DGKB: variants seen among roughly 807,000 people sequenced by gnomAD.
DGKB encodes the protein 90 kDa diacylglycerol kinase.
A neutral mutation model predicts 114.3 loss-of-function variants in DGKB; 67 were observed. That is an observed-to-expected ratio of 0.59 (90% CI 0.48 to 0.72). The LOEUF (loss-of-function observed/expected upper bound fraction) is 0.72, where lower values mean the gene tolerates loss of function less well. DGKB is among the 30% of genes least tolerant of loss of function. The probability of loss-of-function intolerance (pLI) is 0.00; values close to 1 mark genes in which losing one functional copy is unlikely to be tolerated. For synonymous variants in DGKB, 398 were observed against 323.1 expected (o/e 1.23, Z -2.49); for missense variants, 907 against 975.2 (o/e 0.93, Z 0.93).
At chr7:14,705,087 T>G (rs1172308765) in intron 6 of DGKB, among the ~76,000 whole-genome samples, 1 of 149,068 alleles carries the variant, frequency 6.7e-6, no homozygotes, top group African/African-American at 2.5e-5. Flanking sequence ...TTTAGAAGAA[T>G]GTATAACTAG....
At chr7:14,311,096 C>A (rs1805322258) in intron 23 of DGKB, among the ~76,000 whole-genome samples, 1 of 152,150 alleles carries the variant, frequency 6.6e-6, no homozygotes, top group Admixed American at 6.5e-5. Flanking sequence ...CCACTGCACT[C>A]CAGCCTGGGG....
intron 23 of DGKB, among the ~76,000 whole-genome samples, chr7:14,273,627 C>T (rs1034202070): frequency 3.3e-5 from 5 of 152,124 alleles, no homozygotes; most frequent in Admixed American, 1.3e-4. Flanking sequence ...TAAATTTTCA[C>T]GTGATAAGGT....
chr7:14,279,379 C>T (rs925032316), intron 23 of DGKB, among the ~76,000 whole-genome samples: 13 of 152,070 alleles, frequency 8.5e-5, no homozygotes, highest in African/African-American at 3.1e-4. Context: ...TGGAGCCCAC[C>T]ACAGCTCAAG....
intron 1 of DGKB, among the ~76,000 whole-genome samples, chr7:14,966,519 G>A (rs530095783): frequency 1.4e-4 from 21 of 151,932 alleles, no homozygotes; most frequent in African/African-American, 5.1e-4. Flanking sequence ...CAGGCTGCTG[G>A]TCTCGAACTC....
At chr7:14,648,744 T>C (rs1813734781) in intron 13 of DGKB, among the ~76,000 whole-genome samples, 1 of 143,712 alleles carries the variant, frequency 7.0e-6, no homozygotes, top group South Asian at 2.3e-4. Flanking sequence ...TTGAAAACCT[T>C]GAAAAAAATT....
intron 6 of DGKB, 55 bp downstream of exon 6, chr7:14,718,487 A>C: frequency 3.3e-6 from 5 of 1,510,618 alleles, no homozygotes; most frequent in Non-Finnish European, 4.5e-6. Context: ...ATCAATATCC[A>C]GTCCTTTCTC....
chr7:14,204,564 T>C (rs568807951), intron 23 of DGKB, among the ~76,000 whole-genome samples: 14 of 152,200 alleles, frequency 9.2e-5, no homozygotes, highest in Admixed American at 3.9e-4. Flanking sequence ...ATAGGGCTTA[T>C]GCTTTTTGAT....
At chr7:14,743,594 G>T (rs571276679) in intron 4 of DGKB, among the ~76,000 whole-genome samples, 1 of 152,190 alleles carries the variant, frequency 6.6e-6, no homozygotes, top group African/African-American at 2.4e-5. Context: ...ACATGGTTAG[G>T]TACATGGGAT....
At chr7:14,371,882 G>T (rs180859210) in intron 21 of DGKB, among the ~76,000 whole-genome samples, 1 of 152,128 alleles carries the variant, frequency 6.6e-6, no homozygotes, top group East Asian at 1.9e-4. Context: ...TGGCTGTGGA[G>T]GCTCCTACTT....
intron 1 of DGKB, among the ~76,000 whole-genome samples, chr7:14,925,876 C>T (rs1217132214): frequency 6.7e-6 from 1 of 148,596 alleles, no homozygotes; most frequent in Non-Finnish European, 1.5e-5. Context: ...CCCCCCCCCA[C>T]TTCCAGTATG....
At chr7:14,577,374 T>C (rs1160568447) in intron 19 of DGKB, among the ~76,000 whole-genome samples, 1 of 152,072 alleles carries the variant, frequency 6.6e-6, no homozygotes, top group East Asian at 1.9e-4. Context: ...TCCCAGCACT[T>C]TGGGAGGTCA....
intron 23 of DGKB, among the ~76,000 whole-genome samples, chr7:14,183,645 A>T (rs1782964643): frequency 6.6e-6 from 1 of 152,188 alleles, no homozygotes; most frequent in South Asian, 2.1e-4. Flanking sequence ...TCCTCATTTT[A>T]TTGACAGGGA....
At chr7:14,538,180 A>G (rs922418536) in intron 20 of DGKB, among the ~76,000 whole-genome samples, 1 of 152,064 alleles carries the variant, frequency 6.6e-6, no homozygotes, top group Non-Finnish European at 1.5e-5. Flanking sequence ...ATGGTACTCT[A>G]TGCAGTGGGA....
At chr7:14,284,962 G>A (rs944040050) in intron 23 of DGKB, among the ~76,000 whole-genome samples, 2 of 151,688 alleles carry the variant, frequency 1.3e-5, no homozygotes, top group African/African-American at 2.4e-5. Context: ...GTATATGTAT[G>A]TAACTAACCT....
intron 15 of DGKB, among the ~76,000 whole-genome samples, chr7:14,619,011 T>C (rs1252054444): frequency 2.0e-5 from 3 of 151,618 alleles, no homozygotes; most frequent in Non-Finnish European, 4.4e-5. Context: ...TTTTTCATTT[T>C]GCATATAATA....
intron 23 of DGKB, among the ~76,000 whole-genome samples, chr7:14,273,228 C>A (rs533163398): frequency 9.9e-5 from 15 of 152,200 alleles, no homozygotes; most frequent in Admixed American, 5.9e-4. Context: ...ATCCCGTAGT[C>A]CCAGCTACTC....
intron 5 of DGKB, among the ~76,000 whole-genome samples, chr7:14,729,897 T>C (rs751945296): frequency 9.2e-5 from 14 of 152,200 alleles, no homozygotes; most frequent in Admixed American, 5.2e-4. Flanking sequence ...AATTAATGAA[T>C]GAATAAAATA....
intron 23 of DGKB, among the ~76,000 whole-genome samples, chr7:14,335,529 C>G (rs555850874): frequency 3.9e-5 from 6 of 152,106 alleles, no homozygotes; most frequent in African/African-American, 1.4e-4. Context: ...TAAGAAAGAA[C>G]AAGAAGAAAA....
chr7:14,540,481 A>C (rs1442854507), intron 20 of DGKB, among the ~76,000 whole-genome samples: 1 of 152,118 alleles, frequency 6.6e-6, no homozygotes, highest in Non-Finnish European at 1.5e-5. Context: ...AAAAATCATC[A>C]ATCCAATTAA....
Sources: gnomAD v4.1 joint callset for allele counts (sites outside exome capture counted in the v4.1 genomes callset) on GRCh38, gnomAD v4.1.1 for gene constraint, MANE v1.5 for transcripts, NCBI Gene and HGNC (gene_info 2026-07-23, HGNC 2026-07-21) for gene names.